Variants in XKR7 observed in about 807,000 individuals in gnomAD.
The protein encoded by XKR7 is XK-related protein 7.
Under a neutral mutation model 42.2 loss-of-function variants are expected in XKR7, and 11 were observed. The ratio of observed to expected loss-of-function variants is 0.26; its 90% confidence interval spans 0.16 to 0.43. The LOEUF is 0.43. XKR7 is among the 20% of genes least tolerant of loss of function. XKR7 has a pLI of 1.00. For missense variants in XKR7, 710 were observed against 802.2 expected, an observed-to-expected ratio of 0.89 and a Z score of 1.39; for synonymous variants, 346 against 366.4, an observed-to-expected ratio of 0.94 and a Z score of 0.64.
intron 1 of XKR7, among the ~76,000 whole-genome samples, chr20:31,969,148 C>T (rs769133843): frequency 3.3e-5 from 5 of 152,212 alleles, no homozygotes; most frequent in Non-Finnish European, 4.4e-5. Flanking sequence ...CAAGCCTGGG[C>T]TCAGGAAAGA....
Position 31,998,327 on chromosome 20 carries a change from G to A in XKR7, c.*870G>A, listed in dbSNP as rs2064607024. 1 of 152,124 alleles carries A rather than the reference G, an allele frequency of 6.6e-6. No homozygotes were observed. The highest frequency in any genetic ancestry group is 2.4e-5 in the African/African-American group (1 of 41,394). 9.4% of individuals were successfully genotyped at this position (152,124 alleles called of 1,614,324 possible). On this transcript the variant is annotated 3_prime_UTR_variant, in exon 3 of 3. Coordinates refer to ENST00000562532, the MANE Select transcript of XKR7 (RefSeq NM_001011718.2). ...AGGTCTTCAACACAGCAGATAAGAT[G>A]TCTGGAAAGATCTCTGGGCTCAAGT... is the stretch of plus-strand genomic sequence containing the variant.
In XKR7 at chr20:31,968,292, C is replaced by T. The variant is rs765659301; in HGVS notation, c.117C>T (p.Pro39=). The T allele has an allele frequency of 3.3e-5, 41 of 1,225,802 alleles. No individual in the cohort carries two copies. Among genetic ancestry groups the T allele is most frequent in the Non-Finnish European group, 3.9e-5 (38 of 983,904 alleles). 75.9% of individuals were successfully genotyped at this position (1,225,802 alleles called of 1,614,324 possible). A position where few individuals can be genotyped will look rare whatever the true frequency, so the allele number is the denominator to read the frequency against. ...GRGEAAAAAG[P]PGVVGAGGPG... ...GGGAGGCGGCGGCGGCGGCCGGGCCCCCGGGGGTCGTCGGGGCGGGCGGCC... is the reference window on the plus strand; with the variant it reads ...GGGAGGCGGCGGCGGCGGCCGGGCCTCCGGGGGTCGTCGGGGCGGGCGGCC... The change falls in exon 1 of 3, where the codon CCC becomes CCT. Residue 39 remains proline (P), a synonymous_variant. Transcript: ENST00000562532. This position sits in a 1 kb window ranked among gnomAD's most constrained non-coding sequence, Gnocchi z 4.5.
At chr20:31,987,236 A>G (rs572695499) in intron 1 of XKR7, among the ~76,000 whole-genome samples, 2 of 148,578 alleles carry the variant, frequency 1.3e-5, no homozygotes, top group Non-Finnish European at 3.0e-5. Flanking sequence ...CCCAGTATTA[A>G]GACACAGACA....
intron 1 of XKR7, among the ~76,000 whole-genome samples, chr20:31,978,390 G>A (rs1261682886): frequency 6.6e-5 from 10 of 152,212 alleles, no homozygotes; most frequent in African/African-American, 1.4e-4. Flanking sequence ...GATTGCAGGC[G>A]TGAGCCACTG....
At chr20:31,969,031 G>C (rs1269897968) in intron 1 of XKR7, among the ~76,000 whole-genome samples, 1 of 152,258 alleles carries the variant, frequency 6.6e-6, no homozygotes, top group East Asian at 1.9e-4. Flanking sequence ...ATCCTCAGGG[G>C]TGTGCGTGAG....
At position 31,997,595 on chromosome 20, in the gene XKR7, G is replaced by T; in HGVS notation, c.*138G>T. 1.2e-6 allele frequency: 1 copy of T among 834,432 alleles called. No homozygotes were observed. The highest frequency in any genetic ancestry group is 1.8e-6 in the Non-Finnish European group (1 of 552,330). The allele number at this position is 834,432 out of a possible 1,614,324, so 51.7% of individuals were successfully genotyped here. ...AAGGGTAGAGTGGCCCCACTCTTGG[G>T]TTCTTTCAGGGGAGGGGGCAGCCTT... On this transcript the variant is annotated 3_prime_UTR_variant, in exon 3 of 3. Transcript: ENST00000562532.
chr20:31,996,874 T>C lies in XKR7; in HGVS notation c.1157T>C (p.Leu386Pro). 1 of 1,613,906 alleles carries C rather than the reference T, an allele frequency of 6.2e-7. No individual in the cohort carries two copies. The highest frequency in any genetic ancestry group is 8.5e-7 in the Non-Finnish European group (1 of 1,180,014). Reference protein sequence around the residue: ...KEGRSRRRMTLYHCIVLLENA... With the variant: ...KEGRSRRRMTPYHCIVLLENA... Reference sequence around the variant, plus strand: ...GGCCGCAGCCGCCGCCGCATGACCCTCTACCACTGCATCGTCCTGCTGGAG... The same window carrying C: ...GGCCGCAGCCGCCGCCGCATGACCCCCTACCACTGCATCGTCCTGCTGGAG... The change falls in exon 3 of 3, where the codon CTC (leucine) becomes CCC (proline). Residue 386 changes from leucine (L) to proline (P), a missense_variant. Around this residue, in one of 2 missense-constraint regions of XKR7, gnomAD observed 708 missense variants for 786.2 expected, o/e 0.90. Transcript: ENST00000562532.
chr20:31,978,175 A>G (rs1167753089), intron 1 of XKR7, among the ~76,000 whole-genome samples: 1 of 151,886 alleles, frequency 6.6e-6, no homozygotes, highest in African/African-American at 2.4e-5. Context: ...GCACGATCTC[A>G]GTTCACTCTA....
chr20:31,979,885 A>T (rs1428929012), intron 1 of XKR7, among the ~76,000 whole-genome samples: 1 of 152,060 alleles, frequency 6.6e-6, no homozygotes, highest in South Asian at 2.1e-4. Context: ...CTCTGCACCC[A>T]TTTCACAGAT....
intron 1 of XKR7, among the ~76,000 whole-genome samples, chr20:31,984,051 C>A (rs185264241): frequency 3.3e-5 from 5 of 151,912 alleles, no homozygotes; most frequent in Admixed American, 3.3e-4. Flanking sequence ...CCCTTGAGGT[C>A]AAGAGTTTGA....
rs1429543235 is a variant in XKR7 at position 31,986,183 on chromosome 20, CACAG to C, written c.585-8870_585-8867del. Among the ~76,000 whole-genome samples the C allele has an allele frequency of 3.5e-3, 484 of 137,242 alleles. 1 individual carries two copies. Among genetic ancestry groups the C allele is most frequent in the African/African-American group, 0.013 (460 of 35,682 alleles). The allele number at this position is 137,242 out of a possible 152,430, so 90.0% of individuals were successfully genotyped here. A position where few individuals can be genotyped will look rare whatever the true frequency, so the allele number is the denominator to read the frequency against. ...CACCAAGCACACCCAGCATCCAAGA[CACAG>C]ACAGACAGACAGACCACTAAACAGA... On this transcript the variant is annotated intron_variant, in intron 1 of 2. Coordinates refer to ENST00000562532, the MANE Select transcript of XKR7 (RefSeq NM_001011718.2).
At chr20:31,984,112 T>C (rs2064526361) in intron 1 of XKR7, among the ~76,000 whole-genome samples, 1 of 151,638 alleles carries the variant, frequency 6.6e-6, no homozygotes, top group African/African-American at 2.4e-5. Context: ...AAAACAAAAA[T>C]TAGCCAGGCG....
chr20:31,988,596 T>G (rs1327497533), intron 1 of XKR7, among the ~76,000 whole-genome samples: 1 of 152,128 alleles, frequency 6.6e-6, no homozygotes, highest in Non-Finnish European at 1.5e-5. Flanking sequence ...GTCAGTAAGT[T>G]AGATTCCAAA....
In XKR7 at chr20:32,002,107, G is replaced by A. The variant is rs752559415; in HGVS notation, c.*4650G>A. On this transcript the variant is annotated 3_prime_UTR_variant, in exon 3 of 3. Coordinates refer to ENST00000562532, the MANE Select transcript of XKR7 (RefSeq NM_001011718.2). ...GTATGGGGAGGAAAAACTCTAGAGT[G>A]GGAGATGTGGAAGTGGAAAAGGAAG... 7 of 152,314 alleles carry A rather than the reference G, an allele frequency of 4.6e-5. No homozygotes were observed. The highest frequency in any genetic ancestry group is 1.0e-4 in the Non-Finnish European group (7 of 68,184). The allele number at this position is 152,314 out of a possible 1,614,324, so 9.4% of individuals were successfully genotyped here. A position where few individuals can be genotyped will look rare whatever the true frequency, so the allele number is the denominator to read the frequency against.
At chr20:31,985,579 C>G (rs951555832) in intron 1 of XKR7, among the ~76,000 whole-genome samples, 1 of 151,626 alleles carries the variant, frequency 6.6e-6, no homozygotes, top group Non-Finnish European at 1.5e-5. Context: ...GACCTAGCAT[C>G]CAAGACACAG....
chr20:31,979,430 C>G (rs1338338222), intron 1 of XKR7, among the ~76,000 whole-genome samples: 1 of 152,114 alleles, frequency 6.6e-6, no homozygotes, highest in African/African-American at 2.4e-5. Context: ...TGAACATTTC[C>G]AAATTGAGAT....
chr20:31,995,009 G>C lies in XKR7; in HGVS notation c.585-59G>C, dbSNP rs1246287759. ...TGCGCCTGTGGGCGGCTCGGGGCTG[G>C]TGCGACAGAGCGAGAGGAACCAGCG... On this transcript the variant is annotated intron_variant, in intron 1 of 2. Transcript: ENST00000562532. This position sits in a 1 kb window ranked among gnomAD's most constrained non-coding sequence, Gnocchi z 4.1. 3 of 1,534,480 alleles carry C rather than the reference G, an allele frequency of 2.0e-6. No individual in the cohort carries two copies. Among genetic ancestry groups the C allele is most frequent in the Non-Finnish European group, 2.6e-6 (3 of 1,144,538 alleles).
intron 1 of XKR7, among the ~76,000 whole-genome samples, chr20:31,982,373 C>A (rs2064517315): frequency 6.6e-6 from 1 of 151,886 alleles, no homozygotes; most frequent in Admixed American, 6.6e-5. Flanking sequence ...ATACACAAAT[C>A]AGCTGGGGTG....
At position 31,994,926 on chromosome 20, in the gene XKR7, C is replaced by T. The variant is rs2064583807; in HGVS notation, c.585-142C>T. 11 of 1,402,700 alleles carry T rather than the reference C, an allele frequency of 7.8e-6. No individual in the cohort carries two copies. In the South Asian group the frequency reaches 1.1e-4, roughly 14 times the overall value. 86.9% of individuals were successfully genotyped at this position (1,402,700 alleles called of 1,614,324 possible). A position where few individuals can be genotyped will look rare whatever the true frequency, so the allele number is the denominator to read the frequency against. ...CAGCAGCCTCATAAGGTGATCCTTTCGAAATGCCCATTTCACAGCTGAGGA... is the reference window on the plus strand; with the variant it reads ...CAGCAGCCTCATAAGGTGATCCTTTTGAAATGCCCATTTCACAGCTGAGGA... On this transcript the variant is annotated intron_variant, in intron 1 of 2. Coordinates refer to ENST00000562532, the MANE Select transcript of XKR7 (RefSeq NM_001011718.2).
Sources: allele counts gnomAD v4.1 joint callset (sites outside exome capture counted in the v4.1 genomes callset), GRCh38; gene constraint gnomAD v4.1.1; regional missense constraint gnomAD v4.1.1; non-coding constraint Gnocchi (gnomAD v3.1); transcripts MANE v1.5; gene names NCBI Gene and HGNC (gene_info 2026-07-23, HGNC 2026-07-21).